The following FNBP1L variants were observed in gnomAD, a reference collection of about 807,000 sequenced individuals.
The protein encoded by FNBP1L is formin binding protein 1 like.
FNBP1L carries 36 observed loss-of-function variants against 91.2 expected under a neutral mutation model. That is an observed-to-expected ratio of 0.39 (90% CI 0.30 to 0.52). FNBP1L has a LOEUF of 0.52. FNBP1L is among the 20% of genes least tolerant of loss of function. The pLI is 0.66. For missense variants in FNBP1L, 571 were observed against 732.1 expected, an observed-to-expected ratio of 0.78 and a Z score of 2.54; for synonymous variants, 242 against 237.0, an observed-to-expected ratio of 1.02 and a Z score of -0.19.
At chr1:93,534,130 T>C (rs1018389834) in intron 8 of FNBP1L, among the ~76,000 whole-genome samples, 2 of 152,190 alleles carry the variant, frequency 1.3e-5, no homozygotes, top group African/African-American at 4.8e-5. Flanking sequence ...AAATGTTGTT[T>C]GCACTCAGTA....
At chr1:93,478,205 T>C (rs1669562919) in intron 1 of FNBP1L, among the ~76,000 whole-genome samples, 1 of 152,206 alleles carries the variant, frequency 6.6e-6, no homozygotes, top group Admixed American at 6.5e-5. Context: ...GCATGGTTGA[T>C]GTCTTTGGTG....
At chr1:93,503,092 A>G (rs183392721) in intron 2 of FNBP1L, among the ~76,000 whole-genome samples, 2 of 152,098 alleles carry the variant, frequency 1.3e-5, no homozygotes. Flanking sequence ...AAATAATATT[A>G]TATTAGTCCA....
rs901750463 is a variant in FNBP1L at position 93,449,168 on chromosome 1, G to C, written c.24+863G>C. On this transcript the variant is annotated intron_variant, in intron 1 of 16. Transcript: ENST00000271234. ...CCTTTCTTTGGCACAGGAGGCTCCAGACAATGCCCAGTGTCTGGCCAAGGT... is the reference window on the plus strand; with the variant it reads ...CCTTTCTTTGGCACAGGAGGCTCCACACAATGCCCAGTGTCTGGCCAAGGT... Among the ~76,000 whole-genome samples the C allele has an allele frequency of 4.6e-5, 7 of 152,316 alleles. No homozygotes were observed. In the East Asian group the frequency reaches 1.4e-3, roughly 29 times the overall value.
chr1:93,550,290 C>T (rs1231313262), intron 15 of FNBP1L, among the ~76,000 whole-genome samples: 2 of 152,120 alleles, frequency 1.3e-5, no homozygotes, highest in Non-Finnish European at 2.9e-5. Flanking sequence ...TCGAATCCAA[C>T]CTGGGCAGTA....
chr1:93,507,351 G>T (rs1490515905), intron 2 of FNBP1L, among the ~76,000 whole-genome samples: 1 of 152,080 alleles, frequency 6.6e-6, no homozygotes, highest in African/African-American at 2.4e-5. Flanking sequence ...TTAGAGAGGG[G>T]TGAACAGAAA....
intron 1 of FNBP1L, among the ~76,000 whole-genome samples, chr1:93,461,647 C>T (rs1166593714): frequency 1.3e-5 from 2 of 152,132 alleles, no homozygotes; most frequent in Non-Finnish European, 2.9e-5. Flanking sequence ...CTCCCTTATT[C>T]TCACTCTCCA....
At chr1:93,513,533 A>AAT (rs1378673367) in intron 2 of FNBP1L, among the ~76,000 whole-genome samples, 10 of 151,430 alleles carry the variant, frequency 6.6e-5, no homozygotes, top group Admixed American at 6.6e-4. Context: ...AAATACTGGC[A>AAT]AACCGAATCC....
chr1:93,512,357 A>G (rs1444272529), intron 2 of FNBP1L, among the ~76,000 whole-genome samples: 5 of 151,774 alleles, frequency 3.3e-5, no homozygotes, highest in Admixed American at 6.6e-5. Context: ...ACATTAGACA[A>G]ATCAACGAGA....
intron 14 of FNBP1L, 58 bp downstream of exon 14, chr1:93,547,499 C>T (rs568240892): frequency 1.4e-6 from 2 of 1,410,576 alleles, no homozygotes; most frequent in African/African-American, 1.4e-5. Context: ...ACCCTTTTGT[C>T]CTAAACTTTA....
rs1337074281 is a variant in FNBP1L, at chr1:93,554,437, C to T, written c.*2021C>T. ...GTTCCTTGATGTGGAATAGTGCAAC[C>T]TGTATATGGGTTATTATAATAGGAA... On this transcript the variant is annotated 3_prime_UTR_variant, in exon 17 of 17. Transcript: ENST00000271234. 1 of 152,604 alleles carries T rather than the reference C, an allele frequency of 6.6e-6. No individual in the cohort carries two copies. The highest frequency in any genetic ancestry group is 1.5e-5 in the Non-Finnish European group (1 of 68,030). 9.5% of individuals were successfully genotyped at this position (152,604 alleles called of 1,614,324 possible).
intron 1 of FNBP1L, among the ~76,000 whole-genome samples, chr1:93,494,097 A>G (rs148934511): frequency 3.9e-5 from 6 of 152,290 alleles, no homozygotes; most frequent in Admixed American, 6.5e-5. Context: ...GACTTCTGGT[A>G]CTTGACTGAC....
At chr1:93,503,090 T>C (rs1670490408) in intron 2 of FNBP1L, among the ~76,000 whole-genome samples, 1 of 152,036 alleles carries the variant, frequency 6.6e-6, no homozygotes, top group Admixed American at 6.6e-5. Flanking sequence ...CTAAATAATA[T>C]TATATTAGTC....
intron 2 of FNBP1L, among the ~76,000 whole-genome samples, chr1:93,516,496 A>G (rs1291957109): frequency 9.9e-5 from 15 of 152,154 alleles, no homozygotes; most frequent in Non-Finnish European, 2.1e-4. Context: ...CTTGACCACT[A>G]ATAAACTGAA....
intron 1 of FNBP1L, among the ~76,000 whole-genome samples, chr1:93,467,845 G>C (rs1669143829): frequency 6.6e-6 from 1 of 152,134 alleles, no homozygotes; most frequent in East Asian, 1.9e-4. Context: ...AGGGTGAGGT[G>C]AGAGGATCAC....
intron 1 of FNBP1L, among the ~76,000 whole-genome samples, chr1:93,494,032 C>G (rs1670183846): frequency 6.6e-6 from 1 of 152,116 alleles, no homozygotes; most frequent in Non-Finnish European, 1.5e-5. Context: ...TCCTACCGTT[C>G]AAGGGTTCAG....
intron 1 of FNBP1L, among the ~76,000 whole-genome samples, chr1:93,493,682 G>A (rs1205886296): frequency 3.9e-5 from 6 of 152,104 alleles, no homozygotes; most frequent in Non-Finnish European, 7.3e-5. Flanking sequence ...ATGTTTTGTA[G>A]CATGTGCCAG....
intron 2 of FNBP1L, among the ~76,000 whole-genome samples, chr1:93,509,374 G>A (rs72961391): frequency 0.028 from 4,200 of 152,268 alleles, 203 homozygotes; most frequent in African/African-American, 0.096. Flanking sequence ...GCTTCAGCCT[G>A]TACTTACACA....
chr1:93,524,186 TA>T, intron 4 of FNBP1L, 74 bp from the exon 5 acceptor site: 1 of 1,258,076 alleles, frequency 7.9e-7, no homozygotes, highest in African/African-American at 1.5e-5. Flanking sequence ...CTTTAGTGTT[TA>T]AATGTAATTA....
At chr1:93,508,320 G>A (rs1284761512) in intron 2 of FNBP1L, among the ~76,000 whole-genome samples, 1 of 152,136 alleles carries the variant, frequency 6.6e-6, no homozygotes, top group African/African-American at 2.4e-5. Context: ...CTGTACTCCA[G>A]CCTGGGTGAC....
Sources: allele counts gnomAD v4.1 joint callset (sites outside exome capture counted in the v4.1 genomes callset), GRCh38; gene constraint gnomAD v4.1.1; transcripts MANE v1.5; gene names NCBI Gene and HGNC (gene_info 2026-07-23, HGNC 2026-07-21).